TSHZ2: variants seen among roughly 807,000 people sequenced by gnomAD.
TSHZ2 encodes teashirt zinc finger homeobox 2, also known as teashirt homolog 2.
Under a neutral mutation model 74.4 loss-of-function variants are expected in TSHZ2, and 21 were observed. The observed-to-expected ratio is 0.28, with a 90% CI of 0.20 to 0.41. The LOEUF (loss-of-function observed/expected upper bound fraction) is 0.41, where lower values mean the gene tolerates loss of function less well. Among genes scored for constraint, TSHZ2 ranks in the 10% least tolerant of loss-of-function variants. The pLI, the probability that TSHZ2 is intolerant of heterozygous loss-of-function variation, is 1.00. For synonymous variants in TSHZ2, 540 were observed against 515.3 expected (o/e 1.05, Z -0.65); for missense variants, 1,244 against 1,293.5 (o/e 0.96, Z 0.59).
intron 2 of TSHZ2, among the ~76,000 whole-genome samples, chr20:53,471,885 C>G (rs964073592): frequency 6.8e-6 from 1 of 146,966 alleles, no homozygotes; most frequent in African/African-American, 2.5e-5. Flanking sequence ...CGGCTCACTA[C>G]GACCTCCATC....
chr20:53,257,433 T>C (rs1318157726), intron 2 of TSHZ2, among the ~76,000 whole-genome samples: 2 of 152,202 alleles, frequency 1.3e-5, no homozygotes, highest in Non-Finnish European at 2.9e-5. Flanking sequence ...ATGTGCATCA[T>C]GTGTCATAGA....
intron 2 of TSHZ2, among the ~76,000 whole-genome samples, chr20:53,312,021 C>T (rs2145502744): frequency 6.6e-6 from 1 of 152,150 alleles, no homozygotes; most frequent in Admixed American, 6.5e-5. Flanking sequence ...GTTGAGGCTG[C>T]AGTGAACTAT....
intron 1 of TSHZ2, among the ~76,000 whole-genome samples, chr20:53,073,811 A>G (rs888261893): frequency 6.6e-6 from 1 of 152,042 alleles, no homozygotes; most frequent in Non-Finnish European, 1.5e-5. Flanking sequence ...ATTGATGTAC[A>G]TTTTTAACTT....
intron 1 of TSHZ2, among the ~76,000 whole-genome samples, chr20:53,011,253 T>A (rs1461535565): frequency 6.6e-6 from 1 of 152,230 alleles, no homozygotes; most frequent in African/African-American, 2.4e-5. Flanking sequence ...ACTGTGCAAG[T>A]CTGCCATATC....
intron 1 of TSHZ2, among the ~76,000 whole-genome samples, chr20:53,062,621 C>T (rs1442122954): frequency 6.6e-6 from 1 of 152,194 alleles, no homozygotes; most frequent in East Asian, 1.9e-4. Flanking sequence ...GGGCCTTGCT[C>T]TGGATTAGGC....
intron 2 of TSHZ2, among the ~76,000 whole-genome samples, chr20:53,308,730 T>C (rs1001547910): frequency 2.0e-5 from 3 of 152,258 alleles, no homozygotes; most frequent in African/African-American, 7.2e-5. Flanking sequence ...TCTATTTTAT[T>C]CTTCTTTATT....
intron 1 of TSHZ2, among the ~76,000 whole-genome samples, chr20:53,177,543 GT>G (rs1988373132): frequency 6.6e-6 from 1 of 152,120 alleles, no homozygotes; most frequent in South Asian, 2.1e-4. Context: ...TTTAATTCCA[GT>G]TCTTTCTTCA....
At chr20:53,087,729 T>C (rs533807309) in intron 1 of TSHZ2, among the ~76,000 whole-genome samples, 74 of 152,356 alleles carry the variant, frequency 4.9e-4, no homozygotes, top group African/African-American at 1.8e-3. Context: ...AAAAGTAGTA[T>C]GTCTATTGAT....
chr20:53,305,290 G>T (rs1978482660), intron 2 of TSHZ2, among the ~76,000 whole-genome samples: 1 of 152,050 alleles, frequency 6.6e-6, no homozygotes, highest in Non-Finnish European at 1.5e-5. Context: ...ATTCTTTTCT[G>T]CCCCCATCCA....
chr20:53,452,969 G>A (rs970023847), intron 2 of TSHZ2: 1 of 152,170 alleles, frequency 6.6e-6, no homozygotes, highest in African/African-American at 2.4e-5. Flanking sequence ...TAGCATGCAG[G>A]TTGAGTCGGG....
intron 2 of TSHZ2, among the ~76,000 whole-genome samples, chr20:53,469,666 A>G (rs1337921482): frequency 1.6e-5 from 1 of 62,116 alleles, no homozygotes; most frequent in Non-Finnish European, 3.4e-5. Context: ...GGAAGGAAGG[A>G]AGGAAGGAAG....
At chr20:53,299,486 A>G (rs1173212804) in intron 2 of TSHZ2, among the ~76,000 whole-genome samples, 3 of 152,216 alleles carry the variant, frequency 2.0e-5, no homozygotes, top group East Asian at 1.9e-4. Context: ...TGTCCCAAGT[A>G]TAACTGCTCT....
chr20:53,248,236 A>ATTT (rs763355998), intron 1 of TSHZ2, among the ~76,000 whole-genome samples: 1 of 144,928 alleles, frequency 6.9e-6, no homozygotes, highest in Non-Finnish European at 1.5e-5. Flanking sequence ...ATGCCTGGCT[A>ATTT]TTTTTTTTTT....
intron 1 of TSHZ2, among the ~76,000 whole-genome samples, chr20:52,994,320 G>A (rs891397478): frequency 1.3e-5 from 2 of 151,948 alleles, no homozygotes; most frequent in East Asian, 3.9e-4. Flanking sequence ...AAAAATAGAC[G>A]GGTGAATGAA....
intron 2 of TSHZ2, among the ~76,000 whole-genome samples, chr20:53,262,683 G>T (rs887597485): frequency 6.6e-6 from 1 of 152,198 alleles, no homozygotes; most frequent in Non-Finnish European, 1.5e-5. Flanking sequence ...AGGGCAGTTT[G>T]TTAAATGATA....
intron 1 of TSHZ2, among the ~76,000 whole-genome samples, chr20:53,131,416 T>C (rs1431269180): frequency 6.6e-6 from 1 of 152,190 alleles, no homozygotes; most frequent in Non-Finnish European, 1.5e-5. Flanking sequence ...TGGAGGCCAT[T>C]CTCTAATTCC....
At chr20:53,012,567 A>T (rs1345847853) in intron 1 of TSHZ2, among the ~76,000 whole-genome samples, 1 of 152,120 alleles carries the variant, frequency 6.6e-6, no homozygotes, top group Non-Finnish European at 1.5e-5. Flanking sequence ...AATTTAGAAC[A>T]TTCCCTTGGT....
chr20:53,004,688 G>C (rs1982574957), intron 1 of TSHZ2, among the ~76,000 whole-genome samples: 1 of 152,166 alleles, frequency 6.6e-6, no homozygotes, highest in Admixed American at 6.5e-5. Flanking sequence ...AAAGAAATGT[G>C]TGGGCGTCCG....
chr20:53,021,803 T>C (rs1983257013), intron 1 of TSHZ2, among the ~76,000 whole-genome samples: 2 of 152,348 alleles, frequency 1.3e-5, no homozygotes, highest in East Asian at 1.9e-4. Flanking sequence ...TGTATTTCTA[T>C]GTTAAGTAAC....
Sources: allele counts gnomAD v4.1 joint callset (sites outside exome capture counted in the v4.1 genomes callset), GRCh38; gene constraint gnomAD v4.1.1; transcripts MANE v1.5; gene names NCBI Gene and HGNC (gene_info 2026-07-23, HGNC 2026-07-21).